IDO2: variants seen among roughly 807,000 people sequenced by gnomAD.
IDO2 encodes indoleamine 2,3-dioxygenase-like 1 protein.
In IDO2, 46 loss-of-function variants were observed where a neutral mutation model predicts 45.1. That is an observed-to-expected ratio of 1.02 (90% confidence interval 0.80 to 1.30). The LOEUF (loss-of-function observed/expected upper bound fraction) is 1.30. Among genes scored for constraint, IDO2 ranks in the 50% most tolerant of loss-of-function variants. The probability of loss-of-function intolerance (pLI) is 0.00; values close to 1 mark genes in which losing one functional copy is unlikely to be tolerated. For synonymous variants in IDO2, 218 were observed against 184.9 expected (o/e 1.18, Z -1.45); for missense variants, 544 against 491.8 (o/e 1.11, Z -1.00).
chr8:39,982,602 T>G, intron 4 of IDO2, 50 bp from the exon 5 acceptor site: 1 of 1,244,992 alleles, frequency 8.0e-7, no homozygotes, highest in Non-Finnish European at 1.1e-6. Context: ...TTATTTCCTC[T>G]GCTGCAAGCT....
chr8:39,977,979 T>A (rs567385264), intron 3 of IDO2, among the ~76,000 whole-genome samples: 33 of 152,358 alleles, frequency 2.2e-4, no homozygotes, highest in African/African-American at 7.2e-4. Context: ...CAGTTATTTT[T>A]AAATGTACAA....
At chr8:39,936,076 G>C (rs1807543722) in intron 1 of IDO2, among the ~76,000 whole-genome samples, 1 of 152,148 alleles carries the variant, frequency 6.6e-6, no homozygotes, top group South Asian at 2.1e-4. Flanking sequence ...CTTGCTGATA[G>C]AATGCATCCA....
chr8:39,960,473 G>A (rs1415099283), intron 2 of IDO2, among the ~76,000 whole-genome samples: 1 of 152,038 alleles, frequency 6.6e-6, no homozygotes, highest in Non-Finnish European at 1.5e-5. Flanking sequence ...ACTATAAACT[G>A]CTCAAGCTTC....
At chr8:39,973,453 T>A (rs1051088338) in intron 3 of IDO2, among the ~76,000 whole-genome samples, 3 of 152,016 alleles carry the variant, frequency 2.0e-5, no homozygotes, top group Non-Finnish European at 4.4e-5. Context: ...GATAATTTCC[T>A]TTCCTTAGGA....
chr8:40,002,978 A>C (rs1000950691), intron 8 of IDO2, among the ~76,000 whole-genome samples: 1 of 152,184 alleles, frequency 6.6e-6, no homozygotes, highest in African/African-American at 2.4e-5. Context: ...ACCACCTCAA[A>C]TCATTTCTTC....
intron 3 of IDO2, among the ~76,000 whole-genome samples, chr8:39,964,884 A>G (rs546042362): frequency 1.5e-3 from 233 of 152,354 alleles, no homozygotes; most frequent in Non-Finnish European, 2.7e-3. Flanking sequence ...AGTTTACAGG[A>G]CCCATGTCAA....
At chr8:39,963,792 C>A in intron 3 of IDO2, 89 bp downstream of exon 3, 1 of 742,706 alleles carries the variant, frequency 1.3e-6, no homozygotes, top group Non-Finnish European at 2.2e-6. Context: ...GTCAATTGTC[C>A]TGGGAAACTG....
chr8:39,986,874 T>TATC (rs1808434297), intron 6 of IDO2: 2 of 149,826 alleles, frequency 1.3e-5, no homozygotes, highest in Admixed American at 1.3e-4. Context: ...TCATTATTAT[T>TATC]ATTATTATTA....
exon 9 of IDO2, chr8:40,005,337 T>C (rs758538322): frequency 1.3e-6 from 2 of 1,579,858 alleles, no homozygotes; most frequent in East Asian, 2.2e-5. Context: ...ATTATGTAGA[T>C]CCAGACATAT....
At chr8:39,991,301 T>C (rs73621318) in intron 8 of IDO2, among the ~76,000 whole-genome samples, 8,652 of 152,186 alleles carry the variant, frequency 0.057, 825 homozygotes, top group African/African-American at 0.2. Context: ...ACAGCTCCCT[T>C]AAGTTGTATG....
At chr8:39,942,979 T>C (rs993463801) in intron 1 of IDO2, among the ~76,000 whole-genome samples, 5 of 152,218 alleles carry the variant, frequency 3.3e-5, no homozygotes, top group Non-Finnish European at 4.4e-5. Context: ...CAATTAAACA[T>C]GCAGAGTCTG....
chr8:39,977,322 G>C (rs1246380963), intron 3 of IDO2, among the ~76,000 whole-genome samples: 1 of 152,198 alleles, frequency 6.6e-6, no homozygotes, highest in South Asian at 2.1e-4. Flanking sequence ...GGCTAAGAGA[G>C]TGTCAATAAA....
At chr8:39,969,827 A>AT (rs1329415085) in intron 3 of IDO2, among the ~76,000 whole-genome samples, 2 of 151,654 alleles carry the variant, frequency 1.3e-5, no homozygotes, top group Non-Finnish European at 2.9e-5. Context: ...GTGAGCCTAG[A>AT]TTGTGCGATT....
chr8:39,969,849 A>G (rs1808152843), intron 3 of IDO2, among the ~76,000 whole-genome samples: 1 of 148,582 alleles, frequency 6.7e-6, no homozygotes, highest in Admixed American at 6.9e-5. Flanking sequence ...CACTCCAGCC[A>G]GGGCAACAAG....
chr8:39,978,820 C>A (rs1313557045), intron 3 of IDO2, among the ~76,000 whole-genome samples: 1 of 152,076 alleles, frequency 6.6e-6, no homozygotes, highest in Non-Finnish European at 1.5e-5. Flanking sequence ...GCCATGGGGA[C>A]AAACTGTGGG....
intron 3 of IDO2, among the ~76,000 whole-genome samples, chr8:39,968,795 C>A (rs749238072): frequency 5.3e-5 from 8 of 151,426 alleles, no homozygotes; most frequent in African/African-American, 1.9e-4. Flanking sequence ...GGTTGACAGG[C>A]GCAGCAAACC....
chr8:39,960,590 G>T (rs1017199007), intron 2 of IDO2, among the ~76,000 whole-genome samples: 8 of 152,090 alleles, frequency 5.3e-5, no homozygotes, highest in Non-Finnish European at 7.4e-5. Flanking sequence ...ACACACTAAC[G>T]TTTGAACCCT....
At chr8:40,014,715 G>A (rs1802360073) in intron 10 of IDO2, among the ~76,000 whole-genome samples, 1 of 152,166 alleles carries the variant, frequency 6.6e-6, no homozygotes, top group Admixed American at 6.6e-5. Context: ...CATCTGAGAT[G>A]TTCTTACTTT....
chr8:39,981,062 AT>A (rs11299960), intron 4 of IDO2, among the ~76,000 whole-genome samples: 77,612 of 121,674 alleles, frequency 0.64, 24,179 homozygotes, highest in South Asian at 0.74. Context: ...AGTGCATTGC[AT>A]TTTTTTTTTT....
Sources: gnomAD v4.1 joint callset for allele counts (sites outside exome capture counted in the v4.1 genomes callset) on GRCh38, gnomAD v4.1.1 for gene constraint, MANE v1.5 for transcripts, NCBI Gene and HGNC (gene_info 2026-07-23, HGNC 2026-07-21) for gene names.